The following HIF3A variants were observed in gnomAD, a reference collection of about 807,000 sequenced individuals.
HIF3A encodes the protein hypoxia inducible factor 3 subunit alpha, also known as hypoxia-inducible factor 3-alpha.
A neutral mutation model predicts 67.2 loss-of-function variants in HIF3A; 41 were observed. The observed-to-expected ratio is 0.61, with a 90% confidence interval of 0.48 to 0.79. The LOEUF (loss-of-function observed/expected upper bound fraction) is 0.79. Ranked by LOEUF, HIF3A falls within the 30% of genes least tolerant of loss-of-function variation. The probability of loss-of-function intolerance (pLI) is 0.00; values close to 1 mark genes in which losing one functional copy is unlikely to be tolerated. For synonymous variants in HIF3A, 356 were observed against 374.8 expected (o/e 0.95, Z 0.58); for missense variants, 855 against 898.0 (o/e 0.95, Z 0.61).
intron 8 of HIF3A, among the ~76,000 whole-genome samples, chr19:46,316,478 T>C (rs975026901): frequency 2.0e-5 from 3 of 152,050 alleles, no homozygotes; most frequent in Admixed American, 2.0e-4. Context: ...TGCAGAGGTA[T>C]CCATGACAAC....
intron 6 of HIF3A, 186 bp from the exon 7 acceptor site, chr19:46,311,975 T>C: frequency 1.3e-6 from 1 of 762,396 alleles, no homozygotes; most frequent in Non-Finnish European, 2.4e-6. Flanking sequence ...TGTGGACATC[T>C]TTGGGGGTCA....
intron 2 of HIF3A, chr19:46,304,962 C>A: frequency 2.0e-6 from 1 of 497,380 alleles, no homozygotes; most frequent in Admixed American, 3.0e-5. Flanking sequence ...GAATTCTGTC[C>A]TCCTAGGAGG....
intron 1 of HIF3A, among the ~76,000 whole-genome samples, chr19:46,302,135 A>G (rs80274935): frequency 0.13 from 19,220 of 149,462 alleles, 1,508 homozygotes; most frequent in East Asian, 0.22. Context: ...TTTGTTTTTT[A>G]TTTGTTTGTT....
intron 8 of HIF3A, chr19:46,313,235 A>G: frequency 7.8e-6 from 7 of 895,752 alleles, no homozygotes; most frequent in Non-Finnish European, 9.2e-6. Flanking sequence ...TCGGCAACAG[A>G]GCGAGACTCT....
intron 1 of HIF3A, 154 bp from the exon 2 acceptor site, chr19:46,303,744 C>T: frequency 6.6e-7 from 1 of 1,526,394 alleles, no homozygotes; most frequent in Non-Finnish European, 8.9e-7. Flanking sequence ...CCAGGGAGCG[C>T]CGCGAACTCG....
chr19:46,299,150 C>T (rs925229004), intron 1 of HIF3A, among the ~76,000 whole-genome samples: 3 of 152,262 alleles, frequency 2.0e-5, no homozygotes, highest in Non-Finnish European at 4.4e-5. Flanking sequence ...TGGCAGGGTT[C>T]CAGCTGCACG....
intron 1 of HIF3A, among the ~76,000 whole-genome samples, chr19:46,299,508 T>A (rs1968144678): frequency 6.6e-6 from 1 of 151,912 alleles, no homozygotes; most frequent in Admixed American, 6.6e-5. Flanking sequence ...TTGCTTGAGT[T>A]CAAGACCAGC....
At chr19:46,302,665 G>GCCATT in intron 1 of HIF3A, among the ~76,000 whole-genome samples, 1 of 152,164 alleles carries the variant, frequency 6.6e-6, no homozygotes, top group African/African-American at 2.4e-5. Flanking sequence ...CTTGAGTTCA[G>GCCATT]GAGTTCAAGA....
At chr19:46,300,252 T>C (rs1231800975) in intron 1 of HIF3A, among the ~76,000 whole-genome samples, 3 of 152,178 alleles carry the variant, frequency 2.0e-5, no homozygotes, top group East Asian at 1.9e-4. Context: ...ATGTATGTAA[T>C]TGCATGCACA....
intron 14 of HIF3A, among the ~76,000 whole-genome samples, chr19:46,335,324 C>CA (rs1302250673): frequency 6.6e-6 from 1 of 151,870 alleles, no homozygotes; most frequent in Non-Finnish European, 1.5e-5. Context: ...GGCTGGAGTG[C>CA]AGTGGCATGA....
At chr19:46,322,323 C>G (rs752452850) in intron 10 of HIF3A, among the ~76,000 whole-genome samples, 1 of 152,164 alleles carries the variant, frequency 6.6e-6, no homozygotes, top group Non-Finnish European at 1.5e-5. Context: ...CAATTCAATT[C>G]CGGCATCATC....
chr19:46,321,033 C>T (rs141560091), intron 9 of HIF3A, among the ~76,000 whole-genome samples: 24 of 152,326 alleles, frequency 1.6e-4, no homozygotes, highest in South Asian at 1.4e-3. Context: ...ACCTCACCTT[C>T]TCCAAGCTGT....
intron 8 of HIF3A, among the ~76,000 whole-genome samples, chr19:46,314,566 A>AT (rs1158817998): frequency 2.1e-5 from 3 of 145,902 alleles, no homozygotes; most frequent in South Asian, 2.2e-4. Flanking sequence ...TTATTTATTT[A>AT]TTTTTTTTGA....
intron 3 of HIF3A, among the ~76,000 whole-genome samples, chr19:46,307,476 G>A (rs1335769440): frequency 6.6e-6 from 1 of 151,942 alleles, no homozygotes; most frequent in Non-Finnish European, 1.5e-5. Flanking sequence ...AGCTGGATGC[G>A]GTGGCTCACA....
intron 14 of HIF3A, among the ~76,000 whole-genome samples, chr19:46,335,596 C>A (rs1412285984): frequency 6.6e-6 from 1 of 151,916 alleles, no homozygotes; most frequent in African/African-American, 2.4e-5. Flanking sequence ...ATTGGCTGGG[C>A]ATGGTGGTGC....
In HIF3A at chr19:46,303,990, C is replaced by T. The variant is rs1486861108; in HGVS notation, c.119C>T (p.Thr40Met). 1.3e-6 allele frequency: 2 copies of T among 1,598,816 alleles called. No individual in the cohort carries two copies. The highest frequency in any genetic ancestry group is 1.7e-6 in the Non-Finnish European group (2 of 1,173,570). The part of the protein sequence containing the change: ...ETEVLYQLAH[T>M]LPFARGVSAH... ...GAGGTGCTGTACCAGCTGGCTCACA[C>T]GCTGCCCTTCGCCCGCGGCGTCAGC... Residue 40 changes from threonine to methionine, a missense_variant, in exon 2 of 15, where the codon ACG becomes ATG. Transcript: ENST00000377670.
chr19:46,331,760 CAGA>C (rs576252677), intron 13 of HIF3A, among the ~76,000 whole-genome samples: 32 of 144,018 alleles, frequency 2.2e-4, no homozygotes, highest in African/African-American at 7.6e-4. Context: ...GAGGCTGAGG[CAGA>C]AGAATTGTTT....
At chr19:46,338,669 C>G (rs1324001536) in intron 14 of HIF3A, 3 of 342,810 alleles carry the variant, frequency 8.8e-6, no homozygotes, top group Admixed American at 5.9e-5. Context: ...AGGAGTAAAT[C>G]AAGAGGGAGG....
intron 3 of HIF3A, 122 bp from the exon 4 acceptor site, chr19:46,308,099 T>A: frequency 1.3e-6 from 1 of 773,354 alleles, no homozygotes; most frequent in Non-Finnish European, 2.4e-6. Context: ...AATGGATGGA[T>A]AAATGAATGG....
Sources: allele counts gnomAD v4.1 joint callset (sites outside exome capture counted in the v4.1 genomes callset), GRCh38; gene constraint gnomAD v4.1.1; transcripts MANE v1.5; gene names NCBI Gene and HGNC (gene_info 2026-07-23, HGNC 2026-07-21).